Variants in UBA6 observed in about 807,000 individuals in gnomAD.
The protein encoded by UBA6 is ubiquitin-like modifier-activating enzyme 6.
In UBA6, 87 loss-of-function variants were observed where a neutral mutation model predicts 148.3. That is an observed-to-expected ratio of 0.59 (90% confidence interval 0.49 to 0.70). The LOEUF (loss-of-function observed/expected upper bound fraction) is 0.70. Ranked by LOEUF, UBA6 falls within the 30% of genes least tolerant of loss-of-function variation. UBA6 has a pLI of 0.00. For synonymous variants in UBA6, 376 were observed against 401.0 expected (o/e 0.94, Z 0.75); for missense variants, 1,186 against 1,241.2 (o/e 0.96, Z 0.67).
At chr4:67,647,419 T>C (rs1390077827) in intron 14 of UBA6, among the ~76,000 whole-genome samples, 1 of 152,134 alleles carries the variant, frequency 6.6e-6, no homozygotes, top group Non-Finnish European at 1.5e-5. Flanking sequence ...GTGCTGGTAT[T>C]ACAGGCATGA....
intron 11 of UBA6, 193 bp downstream of exon 11, chr4:67,663,692 C>T: frequency 4.0e-6 from 2 of 505,732 alleles, no homozygotes; most frequent in Non-Finnish European, 3.5e-6. Flanking sequence ...TCATTTTTTT[C>T]TATGAGACAA....
intron 2 of UBA6, among the ~76,000 whole-genome samples, chr4:67,695,643 C>T (rs1402743831): frequency 6.6e-6 from 1 of 152,114 alleles, no homozygotes; most frequent in African/African-American, 2.4e-5. Flanking sequence ...AATAGATAAC[C>T]CTGTGCTACA....
intron 13 of UBA6, chr4:67,661,891 A>G: frequency 5.0e-6 from 2 of 397,494 alleles, no homozygotes; most frequent in Non-Finnish European, 8.8e-6. Context: ...AAATCATAAC[A>G]GAATAATAAA....
intron 18 of UBA6, among the ~76,000 whole-genome samples, chr4:67,640,062 A>T (rs1729266369): frequency 6.6e-6 from 1 of 152,202 alleles, no homozygotes; most frequent in African/African-American, 2.4e-5. Flanking sequence ...GTTCATCTGC[A>T]TTTGCTTTGG....
At chr4:67,626,241 A>G (rs377471845) in intron 28 of UBA6, 119 bp downstream of exon 28, 5 of 671,448 alleles carry the variant, frequency 7.4e-6, no homozygotes, top group African/African-American at 5.5e-5. Flanking sequence ...TCATGAAATC[A>G]ATCAATATTG....
chr4:67,619,580 G>A (rs1343240889), intron 32 of UBA6, among the ~76,000 whole-genome samples: 1 of 152,132 alleles, frequency 6.6e-6, no homozygotes, highest in Non-Finnish European at 1.5e-5. Flanking sequence ...GGAGGCTGAG[G>A]CAAGAGAATT....
At chr4:67,636,366 GTCCCTCTCCCTCTCCTGC>G (rs1023026684) in intron 19 of UBA6, among the ~76,000 whole-genome samples, 1 of 152,034 alleles carries the variant, frequency 6.6e-6, no homozygotes, top group African/African-American at 2.4e-5. Context: ...AGAAATTTAG[GTCCCTCTCCCTCTCCTGC>G]TCCCGCTCCC....
chr4:67,661,380 G>A (rs1397481352), intron 13 of UBA6, among the ~76,000 whole-genome samples: 1 of 152,120 alleles, frequency 6.6e-6, no homozygotes, highest in African/African-American at 2.4e-5. Context: ...TAGTGAGTGA[G>A]TCTCATGAGA....
Position 67,625,052 on chromosome 4 carries a change from C to A in UBA6, c.2654G>T (p.Arg885Leu). The A allele has an allele frequency of 1.2e-6, 2 of 1,612,942 alleles. No homozygotes were observed. The highest frequency in any genetic ancestry group is 2.2e-5 in the South Asian group (2 of 90,956). ...AGCAGGTATAATTTTACCAGCTATG[C>A]GCTTTGTTTTGAAACGGTCAGCTGG... ...IEPADRFKTK[R>L]IAGKIIPAIA... Residue 885 changes from arginine to leucine, a missense_variant, in exon 29 of 33, where the codon CGC (arginine) becomes CTC (leucine). Arg to Leu is a moderately radical substitution (Grantham distance 102). Transcript: ENST00000322244.
intron 2 of UBA6, among the ~76,000 whole-genome samples, chr4:67,692,183 T>TA (rs534071265): frequency 3.0e-4 from 45 of 151,954 alleles, no homozygotes; most frequent in Middle Eastern, 3.4e-3. Context: ...AGGTTTGTCT[T>TA]AAAAAAAAGT....
chr4:67,638,263 A>G (rs1729219511), intron 19 of UBA6: 3 of 154,314 alleles, frequency 1.9e-5, no homozygotes, highest in Non-Finnish European at 2.9e-5. Context: ...GAAAGTGCCA[A>G]GAAGACAGAC....
intron 8 of UBA6, 73 bp from the exon 9 acceptor site, chr4:67,668,747 C>T: frequency 7.2e-7 from 1 of 1,386,526 alleles, no homozygotes. Flanking sequence ...AAATCTTAAG[C>T]AAAAATGACA....
At chr4:67,652,349 T>A (rs377563286) in intron 13 of UBA6, among the ~76,000 whole-genome samples, 11 of 152,126 alleles carry the variant, frequency 7.2e-5, no homozygotes, top group African/African-American at 2.4e-4. Flanking sequence ...ATATTCAAAT[T>A]CATGGCCAGT....
At chr4:67,672,516 C>T (rs1433880643) in intron 7 of UBA6, among the ~76,000 whole-genome samples, 1 of 152,192 alleles carries the variant, frequency 6.6e-6, no homozygotes, top group East Asian at 1.9e-4. Context: ...ATACAGCAAG[C>T]CATAGTGATC....
intron 2 of UBA6, among the ~76,000 whole-genome samples, chr4:67,693,457 A>T (rs1730746947): frequency 6.6e-6 from 1 of 152,164 alleles, no homozygotes; most frequent in Admixed American, 6.5e-5. Context: ...TGGGAGAGTC[A>T]AAAGTCATAT....
At chr4:67,638,352 C>T (rs911951258) in intron 19 of UBA6, 5 of 157,542 alleles carry the variant, frequency 3.2e-5, no homozygotes, top group Non-Finnish European at 7.2e-5. Flanking sequence ...AAGGAAGAAC[C>T]TAAGTAGCTT....
rs1439645973 is a variant in UBA6, at chr4:67,616,963, T to C, written c.*2034A>G. 1 of 152,104 alleles carries C rather than the reference T, an allele frequency of 6.6e-6. No homozygotes were observed. The highest frequency in any genetic ancestry group is 1.9e-4 in the East Asian group (1 of 5,196). 9.4% of individuals were successfully genotyped at this position (152,104 alleles called of 1,614,324 possible). On this transcript the variant is annotated 3_prime_UTR_variant, in exon 33 of 33. Transcript: ENST00000322244. The stretch of plus-strand genomic sequence containing the variant: ...GAATTATCATTAACTTCACCCTGGC[T>C]TTCTAGCTTAGTAGAACCAAACAGA...
rs1255624073 is a variant in UBA6 at position 67,614,549 on chromosome 4, T to A, written c.*4448A>T. The A allele has an allele frequency of 6.6e-6, 1 of 152,064 alleles. No homozygotes were observed. Among genetic ancestry groups the A allele is most frequent in the Non-Finnish European group, 1.5e-5 (1 of 67,990 alleles). The allele number at this position is 152,064 out of a possible 1,614,324, so 9.4% of individuals were successfully genotyped here. ...TTTTTCAATAAACGGTAGTGAGGCA[T>A]CTCCTAGCATACACCAAATTAATTC... On this transcript the variant is annotated 3_prime_UTR_variant, in exon 33 of 33. Transcript: ENST00000322244.
chr4:67,678,471 G>A lies in UBA6; in HGVS notation c.321C>T (p.Leu107=). The stretch of plus-strand genomic sequence containing the variant: ...TCTTATTAACAACATCATCTTCACT[G>A]AGAAAGAAGTTGGTTCCTAGATCCC... ...QAWDLGTNFF[L]SEDDVVNKRN... Residue 107 remains leucine, a synonymous_variant, in exon 5 of 33, where the codon CTC becomes CTT. Transcript: ENST00000322244. The A allele has an allele frequency of 6.2e-7, 1 of 1,601,272 alleles. No individual in the cohort carries two copies. Among genetic ancestry groups the A allele is most frequent in the South Asian group, 1.1e-5 (1 of 89,064 alleles).
Sources: allele counts gnomAD v4.1 joint callset (sites outside exome capture counted in the v4.1 genomes callset), GRCh38; gene constraint gnomAD v4.1.1; transcripts MANE v1.5; gene names NCBI Gene and HGNC (gene_info 2026-07-23, HGNC 2026-07-21).